KALRN: variants seen among roughly 807,000 people sequenced by gnomAD.
KALRN encodes the protein kalirin.
Under a neutral mutation model 353.7 loss-of-function variants are expected in KALRN, and 70 were observed. That is an observed-to-expected ratio of 0.20 (90% CI 0.16 to 0.24). KALRN has a LOEUF of 0.24. KALRN is among the 10% of genes least tolerant of loss of function. The pLI, the probability that KALRN is intolerant of heterozygous loss-of-function variation, is 1.00. For missense variants in KALRN, 2,791 were observed against 3,756.7 expected (o/e 0.74, Z 6.72); for synonymous variants, 1,391 against 1,434.8 (o/e 0.97, Z 0.69).
chr3:124,045,752 G>T (rs1003489423), intron 1 of KALRN, among the ~76,000 whole-genome samples: 2 of 15,354 alleles, frequency 1.3e-4, no homozygotes, highest in Non-Finnish European at 4.5e-4. Context: ...AGCCTAATGG[G>T]GGGGGGGGGG....
At chr3:124,652,367 G>A (rs1383493295) in intron 38 of KALRN, among the ~76,000 whole-genome samples, 2 of 152,204 alleles carry the variant, frequency 1.3e-5, no homozygotes, top group Admixed American at 6.5e-5. Flanking sequence ...ACCCCAAGAA[G>A]TTGGTAAATG....
intron 51 of KALRN, chr3:124,679,891 T>A (rs754525098): frequency 9.9e-6 from 3 of 302,334 alleles, no homozygotes; most frequent in Admixed American, 4.5e-5. Flanking sequence ...TGACAAGGAC[T>A]CATTTCGTGT....
intron 10 of KALRN, among the ~76,000 whole-genome samples, chr3:124,367,072 A>C (rs1235694034): frequency 5.3e-5 from 5 of 93,682 alleles, no homozygotes; most frequent in Admixed American, 2.3e-4. Context: ...TGACCCCCCC[A>C]CCTCCCTCCC....
At chr3:124,491,017 T>C (rs1265968023) in intron 30 of KALRN, 133 bp downstream of exon 30, 8 of 787,916 alleles carry the variant, frequency 1.0e-5, no homozygotes, top group Non-Finnish European at 1.6e-5. Flanking sequence ...AATGAAAATG[T>C]CTCCTATTTG....
At chr3:124,587,203 G>A (rs2149322101) in intron 34 of KALRN, among the ~76,000 whole-genome samples, 1 of 152,222 alleles carries the variant, frequency 6.6e-6, no homozygotes, top group South Asian at 2.1e-4. Context: ...ACAATGGAAA[G>A]GCAACCTCCA....
At chr3:124,371,864 G>A (rs1464837202) in intron 10 of KALRN, among the ~76,000 whole-genome samples, 2 of 152,080 alleles carry the variant, frequency 1.3e-5, no homozygotes, top group Non-Finnish European at 2.9e-5. Context: ...TCATCCTATT[G>A]TGCTATCAAA....
chr3:124,522,640 G>A (rs924980993), intron 33 of KALRN, among the ~76,000 whole-genome samples: 3 of 152,154 alleles, frequency 2.0e-5, no homozygotes, highest in Non-Finnish European at 4.4e-5. Flanking sequence ...CTGCACCCCC[G>A]GAGTTTGTGG....
At chr3:124,400,278 C>G (rs1364545793) in intron 13 of KALRN, among the ~76,000 whole-genome samples, 1 of 152,120 alleles carries the variant, frequency 6.6e-6, no homozygotes, top group Non-Finnish European at 1.5e-5. Flanking sequence ...AAAAGAAAAG[C>G]AATCATAAAG....
chr3:124,151,914 C>A, intron 1 of KALRN: 1 of 707,200 alleles, frequency 1.4e-6, no homozygotes, highest in Non-Finnish European at 2.4e-6. Context: ...AGAGCAGGTA[C>A]TGTTTATTAA....
chr3:124,060,582 A>T (rs1266573411), intron 1 of KALRN, among the ~76,000 whole-genome samples: 1 of 152,200 alleles, frequency 6.6e-6, no homozygotes, highest in Non-Finnish European at 1.5e-5. Flanking sequence ...CAGCTGCAGG[A>T]CTGAGCCCTG....
At chr3:124,300,723 A>G (rs1328129467) in intron 6 of KALRN, among the ~76,000 whole-genome samples, 1 of 152,220 alleles carries the variant, frequency 6.6e-6, no homozygotes, top group Non-Finnish European at 1.5e-5. Flanking sequence ...AGAGGTGAAC[A>G]TCATGAGACT....
rs201196766 is a variant in KALRN at position 124,699,939 on chromosome 3, C to T, written c.7902C>T (p.Pro2634=). 205 of 1,614,026 alleles carry T rather than the reference C, an allele frequency of 1.3e-4. No homozygotes were observed. The highest frequency in any genetic ancestry group is 1.6e-4 in the Non-Finnish European group (187 of 1,180,018). The part of the protein sequence containing the change: ...DTYLVIEDLS[P]GCPYQFRVSA... ...ACCTCGTCATCGAAGACCTTAGTCC[C>T]GGGTGTCCTTATCAGTTCAGAGTCA... The change falls in exon 56 of 60, where the codon CCC becomes CCT. Residue 2634 remains proline (P), a synonymous_variant. Coordinates refer to ENST00000682506, the MANE Select transcript of KALRN (RefSeq NM_001388419.1).
intron 1 of KALRN, among the ~76,000 whole-genome samples, chr3:124,157,329 G>A (rs2069151684): frequency 6.6e-6 from 1 of 152,126 alleles, no homozygotes; most frequent in Admixed American, 6.5e-5. Flanking sequence ...GTGTAGACAG[G>A]GCTGCTTCTC....
In KALRN at chr3:124,717,227, C is replaced by G; in HGVS notation, c.8277-20C>G. On this transcript the variant is annotated intron_variant, in intron 58 of 59. Transcript: ENST00000682506. ...TTCATTTCAAACATATTTCCTTTGC[C>G]TTTCCCTGCCTACTTTCAGGATGGA... 1 of 1,574,970 alleles carries G rather than the reference C, an allele frequency of 6.3e-7. No individual in the cohort carries two copies. Among genetic ancestry groups the G allele is most frequent in the South Asian group, 1.2e-5 (1 of 84,226 alleles).
chr3:124,506,566 G>A (rs1434469576), intron 33 of KALRN, among the ~76,000 whole-genome samples: 2 of 152,152 alleles, frequency 1.3e-5, no homozygotes, highest in South Asian at 2.1e-4. Flanking sequence ...CTGCATGACC[G>A]CTGCTGATCC....
intron 37 of KALRN, among the ~76,000 whole-genome samples, chr3:124,641,478 G>C (rs1450963076): frequency 6.6e-6 from 1 of 152,190 alleles, no homozygotes; most frequent in Non-Finnish European, 1.5e-5. Context: ...CAGTGACTGT[G>C]TAAGGAATCA....
intron 29 of KALRN, 110 bp downstream of exon 29, chr3:124,488,425 G>A (rs144974493): frequency 1.3e-6 from 1 of 745,996 alleles, no homozygotes; most frequent in Admixed American, 2.1e-5. Context: ...GGCTGGAAGA[G>A]AGAAGAAATG....
chr3:124,308,976 T>C (rs575396319), intron 6 of KALRN, among the ~76,000 whole-genome samples: 6 of 152,162 alleles, frequency 3.9e-5, no homozygotes, highest in African/African-American at 1.4e-4. Context: ...TATTATTACT[T>C]ACCTTACGAG....
chr3:124,409,549 A>G (rs2091946812), intron 13 of KALRN, among the ~76,000 whole-genome samples: 1 of 152,196 alleles, frequency 6.6e-6, no homozygotes, highest in Non-Finnish European at 1.5e-5. Flanking sequence ...CAGGGCTATT[A>G]GGCTAGTGAA....
Sources: gnomAD v4.1 joint callset for allele counts (sites outside exome capture counted in the v4.1 genomes callset) on GRCh38, gnomAD v4.1.1 for gene constraint, MANE v1.5 for transcripts, NCBI Gene and HGNC (gene_info 2026-07-23, HGNC 2026-07-21) for gene names.